The following GTF2F2 variants were observed in gnomAD, a reference collection of about 807,000 sequenced individuals.
GTF2F2 encodes the protein general transcription factor IIF subunit 2, also known as ATP-dependent helicase GTF2F2.
In GTF2F2, 23 loss-of-function variants were observed where a neutral mutation model predicts 42.2. That is an observed-to-expected ratio of 0.55 (90% confidence interval 0.39 to 0.77). The LOEUF (loss-of-function observed/expected upper bound fraction) is 0.77, where lower values mean the gene tolerates loss of function less well. GTF2F2 is among the 30% of genes least tolerant of loss of function. The pLI is 0.00. For synonymous variants in GTF2F2, 105 were observed against 100.8 expected, an observed-to-expected ratio of 1.04 and a Z score of -0.25; for missense variants, 261 against 287.2, an observed-to-expected ratio of 0.91 and a Z score of 0.66.
At chr13:45,276,341 C>T (rs1877033945) in intron 7 of GTF2F2, among the ~76,000 whole-genome samples, 1 of 152,034 alleles carries the variant, frequency 6.6e-6, no homozygotes, top group Non-Finnish European at 1.5e-5. Flanking sequence ...GAACATTTGC[C>T]TACAAATTTT....
chr13:45,263,218 G>A (rs1015301321), intron 6 of GTF2F2, among the ~76,000 whole-genome samples: 1 of 151,698 alleles, frequency 6.6e-6, no homozygotes, highest in Non-Finnish European at 1.5e-5. Context: ...GTATGTCTGG[G>A]TTTTCAGACT....
At chr13:45,235,064 AAAAAAAAG>A (rs1874892005) in intron 5 of GTF2F2, among the ~76,000 whole-genome samples, 2 of 150,770 alleles carry the variant, frequency 1.3e-5, no homozygotes, top group Admixed American at 6.6e-5. Context: ...AAAAAAAAAA[AAAAAAAAG>A]GTCATAGTTG....
intron 2 of GTF2F2, among the ~76,000 whole-genome samples, chr13:45,144,235 A>G (rs1346257337): frequency 1.3e-5 from 2 of 152,016 alleles, no homozygotes; most frequent in Non-Finnish European, 2.9e-5. Context: ...CTTGGTCAAC[A>G]AGCGCAAAAC....
At chr13:45,240,127 T>TTTA (rs1206383058) in intron 5 of GTF2F2, among the ~76,000 whole-genome samples, 1 of 147,060 alleles carries the variant, frequency 6.8e-6, no homozygotes, top group East Asian at 2.0e-4. Flanking sequence ...TTTTTTTTTT[T>TTTA]AGTTCTTAGC....
chr13:45,263,136 A>T (rs1392882344), intron 6 of GTF2F2, among the ~76,000 whole-genome samples: 1 of 152,186 alleles, frequency 6.6e-6, no homozygotes, highest in Non-Finnish European at 1.5e-5. Context: ...AAATAAATGT[A>T]GGATTAAATT....
intron 4 of GTF2F2, among the ~76,000 whole-genome samples, chr13:45,155,200 G>C (rs754404303): frequency 9.9e-5 from 15 of 152,184 alleles, no homozygotes; most frequent in Non-Finnish European, 2.1e-4. Flanking sequence ...TTTTAACCTT[G>C]GTTGGTCATG....
intron 2 of GTF2F2, among the ~76,000 whole-genome samples, chr13:45,139,506 C>T (rs750339329): frequency 2.0e-5 from 3 of 152,142 alleles, no homozygotes; most frequent in Non-Finnish European, 2.9e-5. Flanking sequence ...TAGATAATCC[C>T]CATGCCTTAC....
chr13:45,245,887 G>T (rs1875574283), intron 5 of GTF2F2, among the ~76,000 whole-genome samples: 1 of 136,684 alleles, frequency 7.3e-6, no homozygotes, highest in African/African-American at 2.7e-5. Flanking sequence ...CTTGCAGTGA[G>T]CCCAGACTGC....
At chr13:45,212,255 G>GT (rs927554175) in intron 5 of GTF2F2, among the ~76,000 whole-genome samples, 4 of 152,062 alleles carry the variant, frequency 2.6e-5, no homozygotes, top group Admixed American at 6.6e-5. Flanking sequence ...TCATATTCAA[G>GT]TTTTTTTATT....
At chr13:45,243,969 G>GT (rs1415792228) in intron 5 of GTF2F2, among the ~76,000 whole-genome samples, 2 of 152,072 alleles carry the variant, frequency 1.3e-5, no homozygotes, top group African/African-American at 2.4e-5. Context: ...CCAGTTTTTT[G>GT]TTTTTTTAAA....
intron 4 of GTF2F2, among the ~76,000 whole-genome samples, chr13:45,181,705 C>T (rs939809408): frequency 6.6e-6 from 1 of 152,066 alleles, no homozygotes; most frequent in Non-Finnish European, 1.5e-5. Flanking sequence ...GTATTATTGT[C>T]TTTGGGTCAC....
At chr13:45,210,057 CT>C (rs2138191890) in intron 5 of GTF2F2, among the ~76,000 whole-genome samples, 1 of 152,310 alleles carries the variant, frequency 6.6e-6, no homozygotes, top group African/African-American at 2.4e-5. Flanking sequence ...CCTTGCCCCA[CT>C]GTAGTCTCTT....
intron 4 of GTF2F2, among the ~76,000 whole-genome samples, chr13:45,157,442 C>T (rs1372565331): frequency 6.6e-6 from 1 of 152,146 alleles, no homozygotes; most frequent in Non-Finnish European, 1.5e-5. Flanking sequence ...TGTTAAAGAC[C>T]TACTCTGACT....
chr13:45,214,607 G>A (rs1873817148), intron 5 of GTF2F2, among the ~76,000 whole-genome samples: 1 of 152,026 alleles, frequency 6.6e-6, no homozygotes, highest in Non-Finnish European at 1.5e-5. Flanking sequence ...CATTAGTTTG[G>A]ATTAATCTGA....
chr13:45,131,412 A>T (rs1207441031), intron 1 of GTF2F2, among the ~76,000 whole-genome samples: 1 of 152,190 alleles, frequency 6.6e-6, no homozygotes, highest in African/African-American at 2.4e-5. Flanking sequence ...GGAAATAATT[A>T]GCTCTCAGAT....
intron 7 of GTF2F2, among the ~76,000 whole-genome samples, chr13:45,281,775 A>G (rs554520482): frequency 1.3e-5 from 2 of 152,384 alleles, no homozygotes; most frequent in African/African-American, 2.4e-5. Flanking sequence ...ACTTCAATCA[A>G]TAAGAAAAAT....
At chr13:45,276,856 GGAGATGTTACTAAAGT>G (rs1192845093) in intron 7 of GTF2F2, among the ~76,000 whole-genome samples, 2 of 152,230 alleles carry the variant, frequency 1.3e-5, no homozygotes, top group Non-Finnish European at 2.9e-5. Context: ...GCTGGATAGA[GGAGATGTTACTAAAGT>G]GAGATAATTT....
intron 4 of GTF2F2, among the ~76,000 whole-genome samples, chr13:45,168,463 G>A (rs998219700): frequency 2.0e-5 from 3 of 152,212 alleles, no homozygotes; most frequent in African/African-American, 7.2e-5. Context: ...TAATCCTCAG[G>A]TAGGGTGACT....
At chr13:45,167,700 C>T (rs1333652483) in intron 4 of GTF2F2, among the ~76,000 whole-genome samples, 1 of 151,962 alleles carries the variant, frequency 6.6e-6, no homozygotes, top group East Asian at 1.9e-4. Flanking sequence ...TGCCCGGCCC[C>T]CCAGCTGATT....
Sources: allele counts gnomAD v4.1 joint callset (sites outside exome capture counted in the v4.1 genomes callset), GRCh38; gene constraint gnomAD v4.1.1; transcripts MANE v1.5; gene names NCBI Gene and HGNC (gene_info 2026-07-23, HGNC 2026-07-21).